The following KLHL13 variants were observed in gnomAD, a reference collection of about 807,000 sequenced individuals.
KLHL13 encodes kelch-like protein 13.
In KLHL13, 10 loss-of-function variants were observed where a neutral mutation model predicts 37.1. The ratio of observed to expected loss-of-function variants is 0.27; its 90% CI spans 0.17 to 0.46. The LOEUF (loss-of-function observed/expected upper bound fraction) is 0.46, where lower values mean the gene tolerates loss of function less well. KLHL13 is among the 20% of genes least tolerant of loss of function. The pLI is 1.00. For synonymous variants in KLHL13, 163 were observed against 181.2 expected, an observed-to-expected ratio of 0.90 and a Z score of 0.81; for missense variants, 360 against 509.3, an observed-to-expected ratio of 0.71 and a Z score of 2.82.
chrX:118,093,731 T>C (rs2055166409), intron 1 of KLHL13, among the ~76,000 whole-genome samples: 1 of 111,660 alleles, frequency 9.0e-6, no homozygotes, highest in Non-Finnish European at 1.9e-5. Context: ...TCCTGAAATA[T>C]TATGACAAAG....
At chrX:117,934,052 A>G (rs1178200266) in intron 2 of KLHL13, among the ~76,000 whole-genome samples, 1 of 111,219 alleles carries the variant, frequency 9.0e-6, no homozygotes, top group Non-Finnish European at 1.9e-5. Context: ...TAAAATATCT[A>G]TATGTTCTCA....
chrX:118,051,233 A>C (rs1288932195), intron 1 of KLHL13, among the ~76,000 whole-genome samples: 1 of 110,798 alleles, frequency 9.0e-6, no homozygotes, highest in East Asian at 2.8e-4. Context: ...AAGATGTATG[A>C]AAGACATATG....
chrX:117,941,012 G>A (rs1932995973), intron 2 of KLHL13, among the ~76,000 whole-genome samples: 1 of 112,019 alleles, frequency 8.9e-6, no homozygotes, highest in South Asian at 3.7e-4. Flanking sequence ...TGGCATCCTT[G>A]TCTTGTGCCA....
intron 1 of KLHL13, among the ~76,000 whole-genome samples, chrX:117,989,212 A>C (rs939478885): frequency 1.8e-5 from 2 of 111,243 alleles, no homozygotes; most frequent in African/African-American, 6.5e-5. Flanking sequence ...ATACCTCTTT[A>C]TTTTTAACAG....
intron 1 of KLHL13, among the ~76,000 whole-genome samples, chrX:118,110,377 CTTT>C (rs1054663520): frequency 1.2e-5 from 1 of 82,556 alleles, no homozygotes; most frequent in African/African-American, 4.9e-5. Flanking sequence ...ATTTCTTTTT[CTTT>C]TTTTTTTTTT....
At chrX:117,986,176 A>G (rs762770609) in intron 1 of KLHL13, among the ~76,000 whole-genome samples, 16 of 111,403 alleles carry the variant, frequency 1.4e-4, no homozygotes, top group Non-Finnish European at 2.6e-4. Context: ...CTTTAGTAAT[A>G]TAAGCCTAGC....
At chrX:118,020,784 C>T (rs1422605940) in intron 1 of KLHL13, among the ~76,000 whole-genome samples, 3 of 110,135 alleles carry the variant, frequency 2.7e-5, no homozygotes, top group Non-Finnish European at 5.7e-5. Flanking sequence ...AAATGTGGCA[C>T]ATATACACCA....
chrX:117,914,687 C>CT (rs1414785246), intron 4 of KLHL13, among the ~76,000 whole-genome samples: 17 of 112,259 alleles, frequency 1.5e-4, no homozygotes, highest in East Asian at 1.4e-3. Context: ...CTCTTTCAGT[C>CT]TTTGTCTTTC....
At chrX:118,037,621 C>T (rs2148050653) in intron 1 of KLHL13, among the ~76,000 whole-genome samples, 1 of 110,341 alleles carries the variant, frequency 9.1e-6, no homozygotes, top group African/African-American at 3.3e-5. Flanking sequence ...GGAGGGATAG[C>T]ATTGGGAGAT....
intron 1 of KLHL13, among the ~76,000 whole-genome samples, chrX:118,092,641 A>C (rs945888640): frequency 8.9e-6 from 1 of 111,991 alleles, no homozygotes; most frequent in Non-Finnish European, 1.9e-5. Flanking sequence ...ATATGTGTCA[A>C]TACAACAAAT....
Position 117,925,507 on chromosome X carries a change from T to A in KLHL13, c.241-5137A>T, listed in dbSNP as rs773395813. Among the ~76,000 whole-genome samples the A allele has an allele frequency of 7.1e-5, 8 of 112,264 alleles. No homozygotes were observed. In the East Asian group the frequency reaches 2.0e-3, roughly 27 times the overall value. Reference sequence around the variant, plus strand: ...AATACCAGCCATGTTTTTATGAGGCTGCTCTTCATTTTATTCAAAGGACAG... The same window carrying A: ...AATACCAGCCATGTTTTTATGAGGCAGCTCTTCATTTTATTCAAAGGACAG... On this transcript the variant is annotated intron_variant, in intron 2 of 6. Coordinates refer to ENST00000262820, the Ensembl canonical transcript of KLHL13.
At chrX:118,015,283 G>A (rs1274977237) in intron 1 of KLHL13, among the ~76,000 whole-genome samples, 2 of 111,440 alleles carry the variant, frequency 1.8e-5, no homozygotes, top group East Asian at 2.8e-4. Flanking sequence ...AAAATACATC[G>A]AGGTGTTAAC....
rs774059071 is a variant in KLHL13, at chrX:118,053,765, TTG to T, written c.-56+62741_-56+62742del. On this transcript the variant is annotated intron_variant, in intron 1 of 6. Coordinates refer to the KLHL13 transcript ENST00000371882. ...ATAAGAAAAGATGTCCAATCTCAAT[TTG>T]TGTGTGTGTGTGTGTGTGTGTGTGT... is the stretch of plus-strand genomic sequence containing the variant. 5.8e-3 allele frequency among the ~76,000 whole-genome samples: 390 copies of T among 67,773 alleles called. 11 individuals carry two copies. Among genetic ancestry groups the T allele is most frequent in the African/African-American group, 0.014 (201 of 14,001 alleles). The allele number at this position is 67,773 out of a possible 115,157, so 58.9% of individuals were successfully genotyped here. A position where few individuals can be genotyped will look rare whatever the true frequency, so the allele number is the denominator to read the frequency against.
chrX:118,028,438 T>C (rs772099093), intron 1 of KLHL13: 1 of 1,130,867 alleles, frequency 8.8e-7, no homozygotes, highest in South Asian at 1.9e-5. Flanking sequence ...TACGAAGTAT[T>C]GCAGCAACCA....
In KLHL13 at chrX:117,905,482, G is replaced by A. The variant is rs1204758841; in HGVS notation, c.1367-3536C>T. On this transcript the variant is annotated intron_variant, in intron 5 of 6. Transcript: ENST00000262820. ...GGAATTATATTTCAGCACTAAACCA[G>A]GTGAGCACGTGTGCTAGTGCGTGCA... 2.8e-5 allele frequency among the ~76,000 whole-genome samples: 3 copies of A among 107,062 alleles called. No homozygotes were observed. The East Asian group carries it at 8.6e-4, about 31-fold the overall frequency. The allele number at this position is 107,062 out of a possible 115,157, so 93.0% of individuals were successfully genotyped here. A position where few individuals can be genotyped will look rare whatever the true frequency, so the allele number is the denominator to read the frequency against.
chrX:118,000,035 T>C (rs997490509), intron 1 of KLHL13, among the ~76,000 whole-genome samples: 1 of 112,185 alleles, frequency 8.9e-6, no homozygotes, highest in African/African-American at 3.2e-5. Flanking sequence ...AGTACTTCCA[T>C]AGCTCCTAAC....
intron 1 of KLHL13, among the ~76,000 whole-genome samples, chrX:118,034,255 C>G (rs752843708): frequency 0.074 from 7,718 of 104,559 alleles, 307 homozygotes; most frequent in Middle Eastern, 0.13. Flanking sequence ...TAGACATCTA[C>G]AGAACTCTCC....
chrX:118,082,053 GA>G (rs1392201379), intron 1 of KLHL13, among the ~76,000 whole-genome samples: 2 of 109,614 alleles, frequency 1.8e-5, no homozygotes, highest in Admixed American at 9.9e-5. Flanking sequence ...TGGCTATTGT[GA>G]ATAGTGTTGT....
At chrX:118,036,840 C>T (rs1355824750) in intron 1 of KLHL13, among the ~76,000 whole-genome samples, 1 of 109,538 alleles carries the variant, frequency 9.1e-6, no homozygotes, top group Non-Finnish European at 1.9e-5. Context: ...TCACAACCTA[C>T]TCATCTGACA....
Sources: allele counts gnomAD v4.1 joint callset (sites outside exome capture counted in the v4.1 genomes callset), GRCh38; gene constraint gnomAD v4.1.1; transcripts MANE v1.5; gene names NCBI Gene and HGNC (gene_info 2026-07-23, HGNC 2026-07-21).